The following ANKRD27 variants were observed in gnomAD, a reference collection of about 807,000 sequenced individuals.
ANKRD27 encodes ankyrin repeat domain 27, also known as ankyrin repeat domain-containing protein 27.
Under a neutral mutation model 129.7 loss-of-function variants are expected in ANKRD27, and 112 were observed. That is an observed-to-expected ratio of 0.86 (90% CI 0.74 to 1.01). ANKRD27 has a LOEUF of 1.01. ANKRD27 is among the 50% of genes least tolerant of loss of function. The pLI is 0.00. For missense variants in ANKRD27, 1,258 were observed against 1,300.5 expected, an observed-to-expected ratio of 0.97 and a Z score of 0.50; for synonymous variants, 516 against 511.2, an observed-to-expected ratio of 1.01 and a Z score of -0.13.
In ANKRD27 at chr19:32,656,127, G is replaced by GT. The variant is rs1296097830; in HGVS notation, c.102+2786_102+2787insA. On this transcript the variant is annotated intron_variant, in intron 2 of 28. Transcript: ENST00000306065. ...AGAAAGAAAAGAAAAGAAAAGAAAA[G>GT]AAAAGAAAAGAAAAAGAAAAGCCTG... Among the ~76,000 whole-genome samples, 5 of 105,454 alleles carry GT rather than the reference G, an allele frequency of 4.7e-5. No homozygotes were observed. The South Asian group carries it at 1.5e-3, about 31-fold the overall frequency. 69.2% of individuals were successfully genotyped at this position (105,454 alleles called of 152,430 possible). A position where few individuals can be genotyped will look rare whatever the true frequency, so the allele number is the denominator to read the frequency against.
chr19:32,598,134 C>A lies in ANKRD27; in HGVS notation c.*11G>T, dbSNP rs762543173. Reference sequence around the variant, plus strand: ...CTTCCTAGCAGTGGGTTCAACAACTCCTCATTCCTGTTAGGACCGGGAAGC... The same window carrying A: ...CTTCCTAGCAGTGGGTTCAACAACTACTCATTCCTGTTAGGACCGGGAAGC... On this transcript the variant is annotated 3_prime_UTR_variant, in exon 29 of 29. Coordinates refer to ENST00000306065, the MANE Select transcript of ANKRD27 (RefSeq NM_032139.3). 9 of 1,612,810 alleles carry A rather than the reference C, an allele frequency of 5.6e-6. No homozygotes were observed. Among genetic ancestry groups the A allele is most frequent in the Middle Eastern group, 1.6e-4 (1 of 6,082 alleles).
At position 32,598,051 on chromosome 19, in the gene ANKRD27, G is replaced by T; in HGVS notation, c.*94C>A. The T allele has an allele frequency of 2.5e-6, 3 of 1,193,210 alleles. No individual in the cohort carries two copies. Among genetic ancestry groups the T allele is most frequent in the South Asian group, 2.7e-5 (2 of 75,290 alleles). The allele number at this position is 1,193,210 out of a possible 1,614,324, so 73.9% of individuals were successfully genotyped here. A position where few individuals can be genotyped will look rare whatever the true frequency, so the allele number is the denominator to read the frequency against. ...TGAAGACTTCTCAAGCCAGTCTCATGGAAGCACATTTAGTTCTCAGATGTG... is the reference window on the plus strand; with the variant it reads ...TGAAGACTTCTCAAGCCAGTCTCATTGAAGCACATTTAGTTCTCAGATGTG... On this transcript the variant is annotated 3_prime_UTR_variant, in exon 29 of 29. Transcript: ENST00000306065.
intron 25 of ANKRD27, 52 bp from the exon 26 acceptor site, chr19:32,602,178 G>A (rs8100168): frequency 0.11 from 131,883 of 1,157,398 alleles, 8,847 homozygotes; most frequent in African/African-American, 0.23. Context: ...TTTTTTAATA[G>A]GTTATTATTT....
intron 22 of ANKRD27, among the ~76,000 whole-genome samples, chr19:32,615,334 C>T (rs2145269458): frequency 6.6e-6 from 1 of 152,274 alleles, no homozygotes; most frequent in South Asian, 2.1e-4. Flanking sequence ...TCTGTAATCC[C>T]AGCACTGTGG....
chr19:32,652,717 C>T (rs1967442493), intron 2 of ANKRD27, among the ~76,000 whole-genome samples: 1 of 151,984 alleles, frequency 6.6e-6, no homozygotes, highest in Admixed American at 6.6e-5. Context: ...CACTTGAGTC[C>T]AGGAGTTCGA....
rs35230573 is a variant in ANKRD27, at chr19:32,610,483, T to TAA, written c.2176-2653_2176-2652dup. On this transcript the variant is annotated intron_variant, in intron 22 of 28. Coordinates refer to ENST00000306065, the MANE Select transcript of ANKRD27 (RefSeq NM_032139.3). ...CTTGGTGACAGACCAAGACCGTCTC[T>TAA]AAAAAAAAAAAAAAAAAAAAAGTTT... 2.3e-3 allele frequency among the ~76,000 whole-genome samples: 244 copies of TAA among 107,446 alleles called. 2 individuals carry two copies. The highest frequency in any genetic ancestry group is 8.7e-3 in the African/African-American group (236 of 27,130). 70.5% of individuals were successfully genotyped at this position (107,446 alleles called of 152,430 possible). A position where few individuals can be genotyped will look rare whatever the true frequency, so the allele number is the denominator to read the frequency against.
At position 32,644,093 on chromosome 19, in the gene ANKRD27, T is replaced by C. The variant is rs1239377702; in HGVS notation, c.525+232A>G. On this transcript the variant is annotated intron_variant, in intron 5 of 28. Transcript: ENST00000306065. The stretch of plus-strand genomic sequence containing the variant: ...TCTTTTTATGTTACCCAGGCTGGTC[T>C]TGAACTCCCAGCCTCAAGAGATCCT... Among the ~76,000 whole-genome samples the C allele has an allele frequency of 2.0e-5, 3 of 152,154 alleles. No homozygotes were observed. The South Asian group carries it at 6.2e-4, about 32-fold the overall frequency.
intron 1 of ANKRD27, among the ~76,000 whole-genome samples, chr19:32,670,046 A>G (rs1967838098): frequency 6.6e-6 from 1 of 151,864 alleles, no homozygotes; most frequent in South Asian, 2.1e-4. Context: ...AAGGGGATGA[A>G]CTAGAGGATG....
In ANKRD27 at chr19:32,639,459, A is replaced by T. The variant is rs762365823; in HGVS notation, c.1013T>A (p.Phe338Tyr). 1 of 1,613,764 alleles carries T rather than the reference A, an allele frequency of 6.2e-7. No individual in the cohort carries two copies. Among genetic ancestry groups the T allele is most frequent in the South Asian group, 1.1e-5 (1 of 90,958 alleles). Reference protein sequence around the residue: ...WMANLSYIKNFRFSSLAKDEL... With the variant: ...WMANLSYIKNYRFSSLAKDEL... ...ATCCTTTGCCAAGCTGCTAAACCTGAAGTTTTTGATGTAACTCAAATTTGC... is the reference window on the plus strand; with the variant it reads ...ATCCTTTGCCAAGCTGCTAAACCTGTAGTTTTTGATGTAACTCAAATTTGC... Residue 338 changes from phenylalanine (F) to tyrosine (Y), a missense_variant, in exon 12 of 29, where the codon TTC becomes TAC. Phe to Tyr is a conservative substitution (Grantham distance 22). Transcript: ENST00000306065.
chr19:32,659,128 A>ATT, intron 1 of ANKRD27, 83 bp from the exon 2 acceptor site: 1 of 517,968 alleles, frequency 1.9e-6, no homozygotes, highest in Non-Finnish European at 3.3e-6. Flanking sequence ...TGCATCTGGC[A>ATT]TTTTCTTTTT....
At chr19:32,621,861 G>A (rs541511769) in intron 18 of ANKRD27, among the ~76,000 whole-genome samples, 8 of 152,226 alleles carry the variant, frequency 5.3e-5, no homozygotes, top group Admixed American at 2.0e-4. Flanking sequence ...GCCGGGAGAC[G>A]AGAGTGCAGA....
At chr19:32,642,942 G>A (rs1967228527) in intron 9 of ANKRD27, 181 bp downstream of exon 9, 1 of 635,768 alleles carries the variant, frequency 1.6e-6, no homozygotes, top group South Asian at 2.0e-5. Context: ...GAGGGGGACG[G>A]CCACACACAG....
intron 14 of ANKRD27, among the ~76,000 whole-genome samples, chr19:32,628,486 G>T (rs1006163932): frequency 2.0e-5 from 3 of 152,208 alleles, no homozygotes; most frequent in African/African-American, 7.2e-5. Flanking sequence ...GCTGGGGCAG[G>T]CCCTATAACC....
At chr19:32,627,126 A>G (rs1298164792) in intron 15 of ANKRD27, among the ~76,000 whole-genome samples, 1 of 152,180 alleles carries the variant, frequency 6.6e-6, no homozygotes, top group African/African-American at 2.4e-5. Flanking sequence ...AAGATGGAGT[A>G]TTATGCAGCC....
intron 13 of ANKRD27, among the ~76,000 whole-genome samples, chr19:32,629,494 G>T (rs557578259): frequency 8.5e-5 from 13 of 152,230 alleles, no homozygotes; most frequent in Middle Eastern, 3.4e-3. Flanking sequence ...GAGGTCAGGA[G>T]TTCGAGACTA....
intron 18 of ANKRD27, among the ~76,000 whole-genome samples, chr19:32,621,978 G>A (rs1416454806): frequency 2.0e-5 from 3 of 152,140 alleles, no homozygotes; most frequent in African/African-American, 7.2e-5. Flanking sequence ...CCAGAAAAAG[G>A]TGAGCTCATT....
At chr19:32,602,665 G>A (rs909873006) in intron 25 of ANKRD27, among the ~76,000 whole-genome samples, 15 of 151,894 alleles carry the variant, frequency 9.9e-5, no homozygotes, top group African/African-American at 3.6e-4. Context: ...AGGCCGAGGC[G>A]GGTGGATTGC....
chr19:32,650,756 T>A (rs1477090835), intron 2 of ANKRD27, among the ~76,000 whole-genome samples: 1 of 148,900 alleles, frequency 6.7e-6, no homozygotes, highest in East Asian at 2.0e-4. Context: ...TTTTATTTAT[T>A]TTTTTTTTTT....
At chr19:32,623,181 T>C (rs577705925) in intron 17 of ANKRD27, among the ~76,000 whole-genome samples, 1 of 151,716 alleles carries the variant, frequency 6.6e-6, no homozygotes, top group East Asian at 1.9e-4. Flanking sequence ...AGAACAGAGT[T>C]ACTACAGCAG....
Sources: allele counts gnomAD v4.1 joint callset (sites outside exome capture counted in the v4.1 genomes callset), GRCh38; gene constraint gnomAD v4.1.1; transcripts MANE v1.5; gene names NCBI Gene and HGNC (gene_info 2026-07-23, HGNC 2026-07-21).